The following GOLGA7 variants were observed in gnomAD, a reference collection of about 807,000 sequenced individuals.
GOLGA7 encodes the protein golgin subfamily A member 7.
Under a neutral mutation model 21.1 loss-of-function variants are expected in GOLGA7, and 10 were observed. The observed-to-expected ratio is 0.47, with a 90% CI of 0.29 to 0.80. The LOEUF (loss-of-function observed/expected upper bound fraction) is 0.80, where lower values mean the gene tolerates loss of function less well. Among genes scored for constraint, GOLGA7 ranks in the 30% least tolerant of loss-of-function variants. The probability of loss-of-function intolerance (pLI) is 0.08; values close to 1 mark genes in which losing one functional copy is unlikely to be tolerated. For missense variants in GOLGA7, 114 were observed against 166.8 expected, an observed-to-expected ratio of 0.68 and a Z score of 1.74; for synonymous variants, 64 against 62.6, an observed-to-expected ratio of 1.02 and a Z score of -0.10.
At chr8:41,496,523 T>A (rs547663448) in intron 1 of GOLGA7, among the ~76,000 whole-genome samples, 15 of 152,148 alleles carry the variant, frequency 9.9e-5, no homozygotes, top group African/African-American at 3.1e-4. Context: ...ATGTGAAAAA[T>A]TGTTTATTAG....
At chr8:41,496,974 AT>A (rs1156256775) in intron 1 of GOLGA7, among the ~76,000 whole-genome samples, 1 of 151,154 alleles carries the variant, frequency 6.6e-6, no homozygotes. Flanking sequence ...TGCCCGGCTA[AT>A]TTTTTTTGGT....
At position 41,496,968 on chromosome 8, in the gene GOLGA7, C is replaced by T. The variant is rs371397269; in HGVS notation, c.112-541C>T. 1.6e-4 allele frequency among the ~76,000 whole-genome samples: 25 copies of T among 151,922 alleles called. No homozygotes were observed. The East Asian group carries it at 2.7e-3, about 17-fold the overall frequency. On this transcript the variant is annotated intron_variant, in intron 1 of 4. Transcript: ENST00000357743. Reference sequence around the variant, plus strand: ...GGCTATAGGCACCCGCCACCATGCCCGGCTAATTTTTTTTGGTATTTTTAG... The same window carrying T: ...GGCTATAGGCACCCGCCACCATGCCTGGCTAATTTTTTTTGGTATTTTTAG...
intron 2 of GOLGA7, among the ~76,000 whole-genome samples, chr8:41,499,779 G>A (rs73674849): frequency 0.014 from 2,117 of 152,272 alleles, 51 homozygotes; most frequent in African/African-American, 0.048. Context: ...TGCAGCATTT[G>A]GGCAGGAAAA....
intron 1 of GOLGA7, among the ~76,000 whole-genome samples, chr8:41,493,104 AT>A (rs1435784988): frequency 2.6e-4 from 39 of 152,288 alleles, no homozygotes; most frequent in South Asian, 6.2e-4. Context: ...GTGCCTTTGA[AT>A]TTCTTTTTTC....
intron 1 of GOLGA7, among the ~76,000 whole-genome samples, chr8:41,496,561 C>T (rs1806018319): frequency 1.3e-5 from 2 of 151,928 alleles, no homozygotes; most frequent in Admixed American, 1.3e-4. Flanking sequence ...ACAAATTTTA[C>T]CTTATTTAGT....
At chr8:41,504,628 C>T (rs750612277) in intron 2 of GOLGA7, among the ~76,000 whole-genome samples, 8 of 152,118 alleles carry the variant, frequency 5.3e-5, no homozygotes, top group Admixed American at 1.3e-4. Context: ...TAATTTATTA[C>T]GTAAGAACCA....
intron 2 of GOLGA7, 75 bp from the exon 3 acceptor site, chr8:41,505,836 A>G (rs1806272563): frequency 8.3e-6 from 6 of 725,518 alleles, no homozygotes; most frequent in Non-Finnish European, 1.4e-5. Context: ...CCCACTGCCT[A>G]TTTTGAGATC....
In GOLGA7 at chr8:41,490,710, G is replaced by C; in HGVS notation, c.-145G>C. 1 of 598,028 alleles carries C rather than the reference G, an allele frequency of 1.7e-6. No homozygotes were observed. Among genetic ancestry groups the C allele is most frequent in the South Asian group, 2.0e-5 (1 of 49,528 alleles). The allele number at this position is 598,028 out of a possible 1,614,324, so 37.0% of individuals were successfully genotyped here. ...CCGCGGTGACAGCATGGGTGAAGGG[G>C]AGCGGGGCAGAGGAGGCCTTGGGCT... is the stretch of plus-strand genomic sequence containing the variant. On this transcript the variant is annotated 5_prime_UTR_variant, in exon 1 of 5. Transcript: ENST00000357743.
intron 2 of GOLGA7, 180 bp from the exon 3 acceptor site, chr8:41,505,731 C>G (rs1806269140): frequency 2.1e-6 from 1 of 475,018 alleles, no homozygotes. Flanking sequence ...GTCCCTCACA[C>G]TTGGCTGTAT....
chr8:41,503,028 G>A (rs143349091), intron 2 of GOLGA7, among the ~76,000 whole-genome samples: 13 of 152,056 alleles, frequency 8.5e-5, no homozygotes, highest in East Asian at 7.7e-4. Context: ...GAGTTTTATC[G>A]TTTGTTTTAA....
intron 2 of GOLGA7, chr8:41,505,689 A>G (rs1806268067): frequency 2.6e-5 from 11 of 419,082 alleles, no homozygotes; most frequent in Non-Finnish European, 4.7e-5. Context: ...GCATTTATTT[A>G]CATTGTGTCG....
chr8:41,505,546 T>C (rs1164683305), intron 2 of GOLGA7, among the ~76,000 whole-genome samples: 1 of 152,202 alleles, frequency 6.6e-6, no homozygotes, highest in Non-Finnish European at 1.5e-5. Context: ...AACAGCACTT[T>C]ATGAATAGGA....
intron 1 of GOLGA7, among the ~76,000 whole-genome samples, 200 bp from the exon 2 acceptor site, chr8:41,497,309 T>C (rs1370392023): frequency 6.6e-6 from 1 of 151,996 alleles, no homozygotes; most frequent in Non-Finnish European, 1.5e-5. Flanking sequence ...AAGTACCTTA[T>C]TGAGCCTTGA....
At chr8:41,503,440 G>T (rs12544988) in intron 2 of GOLGA7, among the ~76,000 whole-genome samples, 91,089 of 100,872 alleles carry the variant, frequency 0.9, 41,275 homozygotes, top group Middle Eastern at 0.96. Context: ...GTCAATTTTG[G>T]CTTTTGTTGC....
intron 1 of GOLGA7, among the ~76,000 whole-genome samples, 170 bp downstream of exon 1, chr8:41,491,135 G>A (rs1387598905): frequency 2.0e-5 from 3 of 152,210 alleles, no homozygotes; most frequent in Non-Finnish European, 4.4e-5. Context: ...AAGCAAGACA[G>A]GTGTTTGGAG....
intron 1 of GOLGA7, among the ~76,000 whole-genome samples, chr8:41,491,887 G>T (rs1321472527): frequency 6.6e-6 from 1 of 152,162 alleles, no homozygotes; most frequent in Non-Finnish European, 1.5e-5. Context: ...CAGGGAGGAC[G>T]AGGGCCTGAG....
chr8:41,498,878 T>TG (rs1165025109), intron 2 of GOLGA7, among the ~76,000 whole-genome samples: 2 of 152,206 alleles, frequency 1.3e-5, no homozygotes, highest in African/African-American at 2.4e-5. Context: ...GGTAAGCCCC[T>TG]GGTATATCAC....
chr8:41,506,149 C>T (rs1338308997), intron 3 of GOLGA7, 137 bp downstream of exon 3: 2 of 538,754 alleles, frequency 3.7e-6, no homozygotes, highest in Non-Finnish European at 6.5e-6. Flanking sequence ...TGCATACCTA[C>T]TGTAAACCCC....
At chr8:41,499,731 T>C (rs2150442353) in intron 2 of GOLGA7, among the ~76,000 whole-genome samples, 1 of 152,230 alleles carries the variant, frequency 6.6e-6, no homozygotes, top group Middle Eastern at 3.4e-3. Flanking sequence ...AGGGCTTTTA[T>C]AGGCACAGGA....
Sources: gnomAD v4.1 joint callset for allele counts (sites outside exome capture counted in the v4.1 genomes callset) on GRCh38, gnomAD v4.1.1 for gene constraint, MANE v1.5 for transcripts, NCBI Gene and HGNC (gene_info 2026-07-23, HGNC 2026-07-21) for gene names.